Variants in MEI1 observed in about 807,000 individuals in gnomAD.
The protein encoded by MEI1 is meiotic double-stranded break formation protein 1.
MEI1 carries 103 observed loss-of-function variants against 146.2 expected under a neutral mutation model. That is an observed-to-expected ratio of 0.70 (90% confidence interval 0.60 to 0.83). The LOEUF (loss-of-function observed/expected upper bound fraction) is 0.83. Ranked by LOEUF, MEI1 falls within the 40% of genes least tolerant of loss-of-function variation. MEI1 has a pLI of 0.00. For missense variants in MEI1, 1,529 were observed against 1,533.0 expected, an observed-to-expected ratio of 1.00 and a Z score of 0.04; for synonymous variants, 652 against 628.2, an observed-to-expected ratio of 1.04 and a Z score of -0.57.
chr22:41,730,965 G>A (rs1270285443), intron 9 of MEI1, among the ~76,000 whole-genome samples: 2 of 151,736 alleles, frequency 1.3e-5, no homozygotes, highest in East Asian at 1.9e-4. Flanking sequence ...TTCCCATGCC[G>A]CAGATATCTA....
intron 2 of MEI1, among the ~76,000 whole-genome samples, chr22:41,704,568 C>G (rs936768762): frequency 3.3e-5 from 5 of 152,042 alleles, no homozygotes; most frequent in Non-Finnish European, 7.4e-5. Context: ...CATGTGCCAC[C>G]ATGCCCGGCC....
intron 26 of MEI1, among the ~76,000 whole-genome samples, chr22:41,790,322 T>G (rs1382985665): frequency 6.6e-6 from 1 of 152,138 alleles, no homozygotes; most frequent in Non-Finnish European, 1.5e-5. Flanking sequence ...TGGCCTCAAG[T>G]GATCTGCCTG....
At position 41,743,088 on chromosome 22, in the gene MEI1, A is replaced by C. The variant is rs2073013879; in HGVS notation, c.1340A>C (p.His447Pro). The C allele has an allele frequency of 1.2e-6, 2 of 1,610,530 alleles. No homozygotes were observed. Among genetic ancestry groups the C allele is most frequent in the East Asian group, 4.5e-5 (2 of 44,790 alleles). Reference sequence around the variant, plus strand: ...TGTCTCTCTGGATGCAGGAAGGACCATCAGAGCACTCCACCTGTGCAGTAT... The same window carrying C: ...TGTCTCTCTGGATGCAGGAAGGACCCTCAGAGCACTCCACCTGTGCAGTAT... ...KATSAFLRKD[H>P]QSTPPVQYGE... The change falls in exon 12 of 31, where the codon CAT (histidine) becomes CCT (proline). Residue 447 changes from histidine (H) to proline (P), a missense_variant. Around this residue, in one of 3 missense-constraint regions of MEI1, gnomAD observed 1,212 missense variants for 1,178.9 expected, o/e 1.03. Coordinates refer to ENST00000401548, the MANE Select transcript of MEI1 (RefSeq NM_152513.4).
intron 4 of MEI1, 63 bp downstream of exon 4, chr22:41,714,138 C>A: frequency 6.9e-7 from 1 of 1,456,482 alleles, no homozygotes; most frequent in Non-Finnish European, 9.4e-7. Flanking sequence ...GCTGGGTCAA[C>A]CCTTTGAACA....
intron 9 of MEI1, 116 bp downstream of exon 9, chr22:41,730,753 G>C: frequency 1.5e-6 from 1 of 669,424 alleles, no homozygotes; most frequent in Non-Finnish European, 2.7e-6. Flanking sequence ...ACTGAGTCTA[G>C]ACATTTCATC....
chr22:41,772,545 T>C (rs2075238975), intron 20 of MEI1, among the ~76,000 whole-genome samples: 1 of 152,172 alleles, frequency 6.6e-6, no homozygotes, highest in Non-Finnish European at 1.5e-5. Flanking sequence ...TGGTCTCAAA[T>C]TCCTGGGCTC....
In MEI1 at chr22:41,729,680, G is replaced by A. The variant is rs529584550; in HGVS notation, c.880G>A (p.Asp294Asn). The A allele has an allele frequency of 8.1e-6, 13 of 1,610,878 alleles. No individual in the cohort carries two copies. In the South Asian group the frequency reaches 1.3e-4, roughly 16 times the overall value. ...LVLKKLLLSR[D>N]ETLQVASAHC... ...GTTTCTCCAGCTTCTCCTCTCTAGAGATGAAACCCTGCAGGTGGCCAGTGC... is the reference window on the plus strand; with the variant it reads ...GTTTCTCCAGCTTCTCCTCTCTAGAAATGAAACCCTGCAGGTGGCCAGTGC... The change falls in exon 8 of 31, where the codon GAT becomes AAT. Residue 294 changes from aspartate (D) to asparagine (N), a missense_variant. Physicochemically the swap from Asp to Asn is conservative, Grantham distance 23 (BLOSUM62 1). Around this residue, in one of 3 missense-constraint regions of MEI1, gnomAD observed 1,212 missense variants for 1,178.9 expected, o/e 1.03. Transcript: ENST00000401548.
intron 22 of MEI1, 102 bp from the exon 23 acceptor site, chr22:41,781,182 G>T: frequency 2.6e-6 from 2 of 780,444 alleles, no homozygotes; most frequent in Non-Finnish European, 4.3e-6. Flanking sequence ...GTTTGTGCTT[G>T]CTCCCCAAGA....
chr22:41,713,920 A>G (rs952003982), intron 3 of MEI1, 82 bp from the exon 4 acceptor site: 15 of 1,142,738 alleles, frequency 1.3e-5, no homozygotes, highest in East Asian at 7.7e-5. Flanking sequence ...ACTATCCTGC[A>G]CTGATTGAGT....
intron 15 of MEI1, among the ~76,000 whole-genome samples, chr22:41,750,697 GTGAGTTGGAATTCT>G (rs1370296646): frequency 6.6e-6 from 1 of 152,196 alleles, no homozygotes; most frequent in East Asian, 1.9e-4. Flanking sequence ...GTTAGCCCAT[GTGAGTTGGAATTCT>G]TCTCACCTCT....
At chr22:41,788,568 G>A (rs1245856521) in intron 26 of MEI1, among the ~76,000 whole-genome samples, 1 of 151,922 alleles carries the variant, frequency 6.6e-6, no homozygotes, top group Non-Finnish European at 1.5e-5. Flanking sequence ...AGCTTCCTGA[G>A]TAGTTGGGAT....
At chr22:41,716,770 A>G (rs1479958894) in intron 5 of MEI1, among the ~76,000 whole-genome samples, 1 of 147,214 alleles carries the variant, frequency 6.8e-6, no homozygotes, top group Non-Finnish European at 1.5e-5. Context: ...GCTCACTGCA[A>G]GCTCTGCCTC....
intron 3 of MEI1, among the ~76,000 whole-genome samples, chr22:41,706,911 C>A (rs190847563): frequency 6.6e-6 from 1 of 151,960 alleles, no homozygotes; most frequent in East Asian, 1.9e-4. Context: ...GTTAAGTAGG[C>A]CGGGCGCAGT....
At chr22:41,713,177 A>G (rs1415471170) in intron 3 of MEI1, among the ~76,000 whole-genome samples, 1 of 152,092 alleles carries the variant, frequency 6.6e-6, no homozygotes, top group Non-Finnish European at 1.5e-5. Flanking sequence ...AACCACTGAT[A>G]ATAAATCAAA....
chr22:41,729,164 CAAA>C (rs386395490), intron 7 of MEI1, among the ~76,000 whole-genome samples: 2 of 75,110 alleles, frequency 2.7e-5, no homozygotes, highest in Non-Finnish European at 4.6e-5. Flanking sequence ...GACTCCGTCT[CAAA>C]AAAAAAAAAA....
intron 7 of MEI1, 62 bp downstream of exon 7, chr22:41,724,135 G>GTCTTCATCTA: frequency 6.3e-7 from 1 of 1,586,960 alleles, no homozygotes; most frequent in Non-Finnish European, 8.6e-7. Flanking sequence ...GTGCTTCTTG[G>GTCTTCATCTA]GCCTTGTCTT....
At chr22:41,717,138 T>A (rs1304870334) in intron 5 of MEI1, among the ~76,000 whole-genome samples, 1 of 152,062 alleles carries the variant, frequency 6.6e-6, no homozygotes, top group Non-Finnish European at 1.5e-5. Context: ...GGTAAATAAC[T>A]TCTTTAAGTT....
At chr22:41,738,780 AATAAAT>A (rs2072605573) in intron 11 of MEI1, among the ~76,000 whole-genome samples, 1 of 129,244 alleles carries the variant, frequency 7.7e-6, no homozygotes, top group African/African-American at 3.2e-5. Flanking sequence ...CAAAAAAAAA[AATAAAT>A]AAATAAATAA....
intron 6 of MEI1, among the ~76,000 whole-genome samples, chr22:41,718,686 A>C (rs1319826247): frequency 6.6e-6 from 1 of 152,062 alleles, no homozygotes; most frequent in African/African-American, 2.4e-5. Flanking sequence ...GATACCACAG[A>C]CTAGGTGATT....
Sources: gnomAD v4.1 joint callset for allele counts (sites outside exome capture counted in the v4.1 genomes callset) on GRCh38, gnomAD v4.1.1 for gene constraint, gnomAD v4.1.1 regional missense constraint, MANE v1.5 for transcripts, NCBI Gene and HGNC (gene_info 2026-07-23, HGNC 2026-07-21) for gene names.